Variants in WWOX observed in about 807,000 individuals in gnomAD.
WWOX encodes the protein WW domain containing oxidoreductase, also known as WW domain-containing oxidoreductase.
Under a neutral mutation model 46.2 loss-of-function variants are expected in WWOX, and 69 were observed. The ratio of observed to expected loss-of-function variants is 1.49; its 90% CI spans 1.23 to 1.82. The LOEUF (loss-of-function observed/expected upper bound fraction) is 1.82, where lower values mean the gene tolerates loss of function less well. WWOX is among the 40% of genes most tolerant of loss of function. The probability of loss-of-function intolerance (pLI) is 0.00; values close to 1 mark genes in which losing one functional copy is unlikely to be tolerated. For missense variants in WWOX, 919 were observed against 542.6 expected (o/e 1.69, Z -6.89); for synonymous variants, 359 against 202.6 (o/e 1.77, Z -6.56).
intron 5 of WWOX, among the ~76,000 whole-genome samples, chr16:78,332,367 A>G (rs1276346868): frequency 6.6e-6 from 1 of 152,226 alleles, no homozygotes; most frequent in Non-Finnish European, 1.5e-5. Flanking sequence ...CCTTCTAGCC[A>G]AGAATGGGTA....
chr16:78,614,341 G>A (rs1343704482), intron 8 of WWOX, among the ~76,000 whole-genome samples: 2 of 152,218 alleles, frequency 1.3e-5, no homozygotes, highest in East Asian at 1.9e-4. Context: ...TGTGTGTATT[G>A]TTCTGTTTTT....
chr16:78,773,492 C>G (rs910143670), intron 8 of WWOX, among the ~76,000 whole-genome samples: 1 of 152,152 alleles, frequency 6.6e-6, no homozygotes, highest in African/African-American at 2.4e-5. Flanking sequence ...GGTACTTTGT[C>G]CCTTGTGTTA....
At chr16:78,999,077 A>C (rs1010019192) in intron 8 of WWOX, among the ~76,000 whole-genome samples, 1 of 152,162 alleles carries the variant, frequency 6.6e-6, no homozygotes, top group African/African-American at 2.4e-5. Context: ...GTGGAAATCA[A>C]AAGTAGGTTT....
In WWOX at chr16:78,977,805, A is replaced by G. The variant is rs569555811; in HGVS notation, c.1057-233803A>G. 4.3e-4 allele frequency among the ~76,000 whole-genome samples: 65 copies of G among 152,216 alleles called. No homozygotes were observed. In the South Asian group the frequency reaches 0.012, roughly 29 times the overall value. On this transcript the variant is annotated intron_variant, in intron 8 of 8. Coordinates refer to ENST00000566780, the MANE Select transcript of WWOX (RefSeq NM_016373.4). The stretch of plus-strand genomic sequence containing the variant: ...TGCACTCCCATCCCAGCCTCACACC[A>G]AGCTCCCATCTGGGAAGCAGCAGAC...
At chr16:78,633,471 G>A (rs1414965341) in intron 8 of WWOX, among the ~76,000 whole-genome samples, 3 of 152,116 alleles carry the variant, frequency 2.0e-5, no homozygotes, top group Non-Finnish European at 4.4e-5. Flanking sequence ...CTTTAAAACA[G>A]AACCACGAGT....
intron 8 of WWOX, among the ~76,000 whole-genome samples, chr16:78,871,416 G>A (rs2044126220): frequency 1.3e-5 from 2 of 152,276 alleles, no homozygotes; most frequent in South Asian, 2.1e-4. Context: ...TAACTGAATG[G>A]TTGGCACAGG....
chr16:78,669,368 A>G (rs1176372092), intron 8 of WWOX, among the ~76,000 whole-genome samples: 2 of 152,220 alleles, frequency 1.3e-5, no homozygotes, highest in Non-Finnish European at 2.9e-5. Context: ...TTCTTCAACT[A>G]GAATGGTAGG....
intron 8 of WWOX, among the ~76,000 whole-genome samples, chr16:79,018,752 T>C (rs2047468502): frequency 6.6e-6 from 1 of 152,216 alleles, no homozygotes; most frequent in Admixed American, 6.5e-5. Flanking sequence ...CTTTCCTATT[T>C]TCGGCAAGTG....
chr16:78,646,363 A>G (rs1250623687), intron 8 of WWOX, among the ~76,000 whole-genome samples: 7 of 152,110 alleles, frequency 4.6e-5, no homozygotes, highest in Non-Finnish European at 1.0e-4. Flanking sequence ...AAAGAAAGTA[A>G]GGTCCCTCCA....
intron 8 of WWOX, among the ~76,000 whole-genome samples, chr16:79,197,591 A>T (rs117758294): frequency 6.6e-6 from 1 of 152,266 alleles, no homozygotes; most frequent in Non-Finnish European, 1.5e-5. Flanking sequence ...TTATCAGACC[A>T]TTTCATTAGA....
intron 5 of WWOX, among the ~76,000 whole-genome samples, chr16:78,217,690 C>G (rs915291618): frequency 2.6e-5 from 4 of 151,938 alleles, no homozygotes; most frequent in African/African-American, 9.7e-5. Context: ...ATGCCTGAGA[C>G]GTTAAAGGCA....
chr16:79,187,479 C>T (rs906892594), intron 8 of WWOX, among the ~76,000 whole-genome samples: 1 of 152,232 alleles, frequency 6.6e-6, no homozygotes, highest in Non-Finnish European at 1.5e-5. Context: ...CTGCTGACTG[C>T]ATTCTCCATT....
chr16:78,993,667 G>A (rs907808770), intron 8 of WWOX, among the ~76,000 whole-genome samples: 1 of 152,204 alleles, frequency 6.6e-6, no homozygotes, highest in South Asian at 2.1e-4. Flanking sequence ...TTTGTCACCG[G>A]CGGCTTTATG....
chr16:79,176,292 G>A (rs962810077), intron 8 of WWOX, among the ~76,000 whole-genome samples: 2 of 152,198 alleles, frequency 1.3e-5, no homozygotes, highest in African/African-American at 4.8e-5. Context: ...CAGCCACTTA[G>A]TGGTTCCATT....
At chr16:78,938,918 G>C (rs7200657) in intron 8 of WWOX, among the ~76,000 whole-genome samples, 94,362 of 152,084 alleles carry the variant, frequency 0.62, 29,362 homozygotes, top group Middle Eastern at 0.67. Context: ...GGCCCAGTCA[G>C]GGGGAATGCT....
intron 8 of WWOX, among the ~76,000 whole-genome samples, chr16:78,878,405 C>T (rs1373141923): frequency 1.3e-5 from 2 of 152,286 alleles, no homozygotes; most frequent in South Asian, 4.1e-4. Flanking sequence ...ACAAATTGAC[C>T]TCTCTAAGCC....
chr16:78,449,233 A>T (rs2083632621), intron 8 of WWOX, among the ~76,000 whole-genome samples: 1 of 152,238 alleles, frequency 6.6e-6, no homozygotes, highest in African/African-American at 2.4e-5. Flanking sequence ...TTATCGAAGC[A>T]TGTAAGCCAA....
chr16:78,310,630 C>T (rs2080222529), intron 5 of WWOX, among the ~76,000 whole-genome samples: 1 of 152,182 alleles, frequency 6.6e-6, no homozygotes, highest in Admixed American at 6.5e-5. Context: ...GTGGAAAAGG[C>T]ATGCTTCGTG....
intron 5 of WWOX, among the ~76,000 whole-genome samples, chr16:78,334,458 C>T (rs1266702040): frequency 1.3e-5 from 2 of 152,150 alleles, no homozygotes; most frequent in South Asian, 4.1e-4. Context: ...AAAGATACAG[C>T]AAGCACTTTC....
Sources: gnomAD v4.1 joint callset for allele counts (sites outside exome capture counted in the v4.1 genomes callset) on GRCh38, gnomAD v4.1.1 for gene constraint, MANE v1.5 for transcripts, NCBI Gene and HGNC (gene_info 2026-07-23, HGNC 2026-07-21) for gene names.